Variants in ZNF423 observed in about 807,000 individuals in gnomAD.
ZNF423 encodes zinc finger protein 423, also known as Ebf-associated zinc finger protein.
ZNF423 carries 12 observed loss-of-function variants against 95.8 expected under a neutral mutation model. That is an observed-to-expected ratio of 0.13 (90% CI 0.08 to 0.20). ZNF423 has a LOEUF of 0.20. ZNF423 is among the 10% of genes least tolerant of loss of function. The probability of loss-of-function intolerance (pLI) is 1.00; values close to 1 mark genes in which losing one functional copy is unlikely to be tolerated. For synonymous variants in ZNF423, 749 were observed against 711.9 expected (o/e 1.05, Z -0.83); for missense variants, 1,316 against 1,737.1 (o/e 0.76, Z 4.31).
intron 7 of ZNF423, among the ~76,000 whole-genome samples, chr16:49,500,721 C>G (rs1770340551): frequency 6.6e-6 from 1 of 151,504 alleles, no homozygotes. Context: ...TTGAGATCAG[C>G]CTGGGTGAAA....
chr16:49,711,889 G>T (rs1261480744), intron 3 of ZNF423: 1 of 151,034 alleles, frequency 6.6e-6, no homozygotes, highest in Admixed American at 6.6e-5. Context: ...CAGGAGGATG[G>T]CTTGAGCCCA....
chr16:49,533,218 G>C (rs1388958692), intron 5 of ZNF423, among the ~76,000 whole-genome samples: 1 of 152,220 alleles, frequency 6.6e-6, no homozygotes. Context: ...CTCTGCCAGA[G>C]GCTGGACAGA....
chr16:49,722,277 A>T (rs953974070), intron 3 of ZNF423, among the ~76,000 whole-genome samples: 1 of 152,182 alleles, frequency 6.6e-6, no homozygotes, highest in Non-Finnish European at 1.5e-5. Flanking sequence ...CTGCCCATCC[A>T]CTTCCCTCCC....
At chr16:49,727,321 C>T (rs1464915630) in intron 3 of ZNF423, among the ~76,000 whole-genome samples, 1 of 152,118 alleles carries the variant, frequency 6.6e-6, no homozygotes, top group African/African-American at 2.4e-5. Flanking sequence ...GCACAGAGGC[C>T]GGGCTCCAGG....
intron 5 of ZNF423, among the ~76,000 whole-genome samples, chr16:49,562,332 C>G (rs1329763040): frequency 6.6e-6 from 1 of 152,204 alleles, no homozygotes; most frequent in South Asian, 2.1e-4. Flanking sequence ...CAAATTAACT[C>G]TCTGACCCTT....
chr16:49,826,002 G>GT (rs1417699833), intron 1 of ZNF423, among the ~76,000 whole-genome samples: 1 of 152,166 alleles, frequency 6.6e-6, no homozygotes, highest in Admixed American at 6.5e-5. Flanking sequence ...CTTGACCCCA[G>GT]GAGTTCGAGA....
intron 3 of ZNF423, among the ~76,000 whole-genome samples, chr16:49,683,897 C>A (rs2031465505): frequency 2.6e-5 from 4 of 152,094 alleles, no homozygotes; most frequent in Non-Finnish European, 4.4e-5. Flanking sequence ...ATGGCAAAAC[C>A]ACATCTCTAC....
intron 5 of ZNF423, among the ~76,000 whole-genome samples, chr16:49,538,161 A>C (rs1385112009): frequency 6.6e-6 from 1 of 152,170 alleles, no homozygotes; most frequent in Admixed American, 6.5e-5. Flanking sequence ...CTGGGCAGGT[A>C]AAGAATGGGC....
intron 1 of ZNF423, among the ~76,000 whole-genome samples, chr16:49,828,123 G>A (rs2035025389): frequency 6.6e-6 from 1 of 152,146 alleles, no homozygotes; most frequent in South Asian, 2.1e-4. Flanking sequence ...CCAGGGTCCT[G>A]ACCCCACATT....
intron 5 of ZNF423, among the ~76,000 whole-genome samples, chr16:49,581,244 C>T (rs753807766): frequency 6.6e-6 from 1 of 152,096 alleles, no homozygotes; most frequent in African/African-American, 2.4e-5. Context: ...GCTGATTAAG[C>T]AATTGGGAGC....
intron 2 of ZNF423, among the ~76,000 whole-genome samples, chr16:49,735,181 G>A (rs1271048015): frequency 6.6e-6 from 1 of 152,118 alleles, no homozygotes; most frequent in Non-Finnish European, 1.5e-5. Context: ...CAGCCTTGAA[G>A]GTCATCTTTC....
chr16:49,652,132 G>T (rs1013859284), intron 3 of ZNF423, among the ~76,000 whole-genome samples: 4 of 151,980 alleles, frequency 2.6e-5, no homozygotes, highest in Non-Finnish European at 5.9e-5. Flanking sequence ...GGGGGTGGGG[G>T]ATGAGGCTCA....
At chr16:49,589,700 T>C (rs940134213) in intron 5 of ZNF423, among the ~76,000 whole-genome samples, 5 of 152,066 alleles carry the variant, frequency 3.3e-5, no homozygotes, top group African/African-American at 9.7e-5. Context: ...AAAAAATATA[T>C]ATACAGGCTG....
chr16:49,567,474 C>T (rs924632762), intron 5 of ZNF423, among the ~76,000 whole-genome samples: 1 of 152,080 alleles, frequency 6.6e-6, no homozygotes, highest in Non-Finnish European at 1.5e-5. Context: ...TAGACAGACC[C>T]CAGAAGGGTT....
intron 2 of ZNF423, among the ~76,000 whole-genome samples, chr16:49,740,508 G>A (rs553057292): frequency 4.8e-4 from 73 of 152,352 alleles, no homozygotes; most frequent in African/African-American, 1.7e-3. Context: ...TGCAGGCAGC[G>A]GGGTAACATT....
chr16:49,578,141 C>G lies in ZNF423; in HGVS notation c.3601+48029G>C, dbSNP rs1162887585. On this transcript the variant is annotated intron_variant, in intron 5 of 7. Transcript: ENST00000563137. The stretch of plus-strand genomic sequence containing the variant: ...GGCTTTTGAAGCCACACAAATGGCA[C>G]CAGTCCCAGTAAACATCCCCCAAGA... Among the ~76,000 whole-genome samples the G allele has an allele frequency of 3.5e-4, 54 of 152,176 alleles. 1 individual carries two copies. The highest frequency in any genetic ancestry group is 5.9e-5 in the Non-Finnish European group (4 of 68,030).
rs118062015 is a variant in ZNF423, at chr16:49,631,629, C to T, written c.3516+4031G>A. ...AGCAACTGCAGAGGGGGGCCCCGGG[C>T]AGGAAGAAAACACACTTGAGAATGG... On this transcript the variant is annotated intron_variant, in intron 4 of 7. Coordinates refer to ENST00000563137, the MANE Select transcript of ZNF423 (RefSeq NM_001379286.1). Among the ~76,000 whole-genome samples the T allele has an allele frequency of 0.01, 1,586 of 152,262 alleles. 91 individuals carry two copies. In the South Asian group the frequency reaches 0.14, roughly 13 times the overall value.
chr16:49,634,577 G>A (rs529368176), intron 4 of ZNF423, among the ~76,000 whole-genome samples: 2 of 152,130 alleles, frequency 1.3e-5, no homozygotes, highest in South Asian at 4.2e-4. Flanking sequence ...AACACCCTCA[G>A]CAAACACCCC....
chr16:49,817,162 C>G (rs779618238), intron 1 of ZNF423, among the ~76,000 whole-genome samples: 1 of 152,210 alleles, frequency 6.6e-6, no homozygotes, highest in Non-Finnish European at 1.5e-5. Flanking sequence ...TGCCAAGTAG[C>G]TGGGGCACGC....
Sources: allele counts gnomAD v4.1 joint callset (sites outside exome capture counted in the v4.1 genomes callset), GRCh38; gene constraint gnomAD v4.1.1; transcripts MANE v1.5; gene names NCBI Gene and HGNC (gene_info 2026-07-23, HGNC 2026-07-21).